ARHGAP21: variants seen among roughly 807,000 people sequenced by gnomAD.
ARHGAP21 encodes Rho GTPase activating protein 21.
ARHGAP21 carries 38 observed loss-of-function variants against 164.6 expected under a neutral mutation model. The observed-to-expected ratio is 0.23, with a 90% CI of 0.18 to 0.30. The LOEUF is 0.30. ARHGAP21 is among the 10% of genes least tolerant of loss of function. ARHGAP21 has a pLI of 1.00. For missense variants in ARHGAP21, 1,822 were observed against 2,370.7 expected (o/e 0.77, Z 4.81); for synonymous variants, 766 against 857.9 (o/e 0.89, Z 1.87).
chr10:24,632,810 T>C (rs1835968219), intron 6 of ARHGAP21, among the ~76,000 whole-genome samples: 1 of 152,214 alleles, frequency 6.6e-6, no homozygotes, highest in Non-Finnish European at 1.5e-5. Context: ...TCTAACTTAT[T>C]TGTAATTTGG....
At chr10:24,606,491 C>A (rs2077031385) in intron 11 of ARHGAP21, among the ~76,000 whole-genome samples, 1 of 152,136 alleles carries the variant, frequency 6.6e-6, no homozygotes, top group African/African-American at 2.4e-5. Flanking sequence ...ATATATGTAT[C>A]AAACAATACA....
chr10:24,662,884 G>C (rs1839845966), intron 4 of ARHGAP21, among the ~76,000 whole-genome samples: 1 of 151,590 alleles, frequency 6.6e-6, no homozygotes, highest in South Asian at 2.1e-4. Flanking sequence ...CAACCTGTTA[G>C]ACCCCTGATG....
At chr10:24,587,835 CTT>C (rs1325045277) in intron 25 of ARHGAP21, among the ~76,000 whole-genome samples, 58 of 152,312 alleles carry the variant, frequency 3.8e-4, no homozygotes, top group Admixed American at 2.3e-3. Context: ...AATTACTCTA[CTT>C]TTCTACAGAG....
At chr10:24,626,259 C>T (rs1013632155) in intron 7 of ARHGAP21, among the ~76,000 whole-genome samples, 17 of 152,156 alleles carry the variant, frequency 1.1e-4, no homozygotes, top group African/African-American at 3.9e-4. Flanking sequence ...ACCACTATCT[C>T]ACTCAGGGAA....
intron 2 of ARHGAP21, among the ~76,000 whole-genome samples, chr10:24,678,269 T>C (rs908946534): frequency 1.3e-5 from 2 of 152,232 alleles, no homozygotes; most frequent in East Asian, 3.8e-4. Flanking sequence ...TCTCCAGTTT[T>C]ACCTGTACTC....
chr10:24,646,875 T>C (rs1837622459), intron 4 of ARHGAP21, among the ~76,000 whole-genome samples: 1 of 152,176 alleles, frequency 6.6e-6, no homozygotes, highest in Admixed American at 6.5e-5. Flanking sequence ...TAAAAATTAA[T>C]TTAGAAAAAA....
intron 2 of ARHGAP21, among the ~76,000 whole-genome samples, chr10:24,710,913 G>A (rs1350699658): frequency 6.6e-6 from 1 of 151,908 alleles, no homozygotes; most frequent in African/African-American, 2.4e-5. Context: ...GGCCAACATG[G>A]CGAAACCCCA....
At chr10:24,691,908 T>G (rs1208924455) in intron 2 of ARHGAP21, among the ~76,000 whole-genome samples, 3 of 152,170 alleles carry the variant, frequency 2.0e-5, no homozygotes, top group African/African-American at 7.2e-5. Flanking sequence ...ACAAAGAGAA[T>G]CTTCAAGTAT....
At chr10:24,603,252 G>A (rs2076889458) in intron 12 of ARHGAP21, among the ~76,000 whole-genome samples, 1 of 152,138 alleles carries the variant, frequency 6.6e-6, no homozygotes, top group African/African-American at 2.4e-5. Flanking sequence ...GGAAGAGCAA[G>A]AAAGTGTGGC....
chr10:24,644,319 C>T (rs1247218076), intron 4 of ARHGAP21, among the ~76,000 whole-genome samples: 1 of 152,154 alleles, frequency 6.6e-6, no homozygotes, highest in African/African-American at 2.4e-5. Flanking sequence ...TATAGCTACC[C>T]TCTCTATCCC....
intron 9 of ARHGAP21, among the ~76,000 whole-genome samples, chr10:24,617,661 A>T (rs902384595): frequency 1.3e-4 from 17 of 133,920 alleles, no homozygotes; most frequent in African/African-American, 4.3e-4. Context: ...TTTTAGTGTC[A>T]CCTATCCAAT....
intron 2 of ARHGAP21, among the ~76,000 whole-genome samples, chr10:24,688,696 G>T (rs1842442617): frequency 6.6e-6 from 1 of 152,160 alleles, no homozygotes; most frequent in Admixed American, 6.5e-5. Flanking sequence ...TTACTCATTA[G>T]TTCTCAGTGA....
At chr10:24,662,239 G>A (rs892784185) in intron 4 of ARHGAP21, among the ~76,000 whole-genome samples, 1 of 152,024 alleles carries the variant, frequency 6.6e-6, no homozygotes, top group African/African-American at 2.4e-5. Context: ...CACTACATAA[G>A]TCATACCCTT....
chr10:24,648,688 G>C, intron 4 of ARHGAP21: 1 of 515,300 alleles, frequency 1.9e-6, no homozygotes, highest in Non-Finnish European at 2.5e-6. Flanking sequence ...GCTGAGGCAG[G>C]AGAATTGCTT....
At chr10:24,713,502 T>C (rs1175955287) in intron 2 of ARHGAP21, among the ~76,000 whole-genome samples, 3 of 152,206 alleles carry the variant, frequency 2.0e-5, no homozygotes, top group Admixed American at 1.3e-4. Context: ...AACAGATGAA[T>C]AGTCAGAAAT....
chr10:24,610,495 TC>T (rs1176215582), intron 9 of ARHGAP21, among the ~76,000 whole-genome samples: 5 of 152,240 alleles, frequency 3.3e-5, no homozygotes, highest in African/African-American at 1.2e-4. Context: ...TGGCTACTGT[TC>T]CTTAACATGT....
chr10:24,660,472 G>A (rs188166800), intron 4 of ARHGAP21, among the ~76,000 whole-genome samples: 172 of 145,912 alleles, frequency 1.2e-3, no homozygotes, highest in African/African-American at 4.2e-3. Context: ...TCCATGTAAC[G>A]CTGCTACATT....
chr10:24,622,384 CG>C (rs1440229227), intron 8 of ARHGAP21, among the ~76,000 whole-genome samples: 1 of 142,706 alleles, frequency 7.0e-6, no homozygotes, highest in Non-Finnish European at 1.5e-5. Flanking sequence ...CAGCCACAAA[CG>C]TAACAGCAAA....
chr10:24,602,914 G>C (rs1564987113), intron 12 of ARHGAP21, among the ~76,000 whole-genome samples: 1 of 152,154 alleles, frequency 6.6e-6, no homozygotes, highest in Non-Finnish European at 1.5e-5. Context: ...TGAAATACTT[G>C]GCTTCATCAA....
Sources: gnomAD v4.1 joint callset for allele counts (sites outside exome capture counted in the v4.1 genomes callset) on GRCh38, gnomAD v4.1.1 for gene constraint, MANE v1.5 for transcripts, NCBI Gene and HGNC (gene_info 2026-07-23, HGNC 2026-07-21) for gene names.